Variants in EFCAB7 observed in about 807,000 individuals in gnomAD.
The protein encoded by EFCAB7 is EF-hand calcium binding domain 7, also known as EF-hand calcium-binding domain-containing protein 7.
A neutral mutation model predicts 77.1 loss-of-function variants in EFCAB7; 66 were observed. The observed-to-expected ratio is 0.86, with a 90% CI of 0.70 to 1.05. EFCAB7 has a LOEUF of 1.05. EFCAB7 is among the 50% of genes least tolerant of loss of function. The pLI is 0.00. For synonymous variants in EFCAB7, 225 were observed against 243.3 expected (o/e 0.92, Z 0.70); for missense variants, 638 against 730.5 (o/e 0.87, Z 1.46).
At chr1:63,561,372 T>C (rs1204086084) in intron 10 of EFCAB7, among the ~76,000 whole-genome samples, 1 of 152,230 alleles carries the variant, frequency 6.6e-6, no homozygotes, top group Non-Finnish European at 1.5e-5. Context: ...CTTTGAAATA[T>C]ATAACAACGT....
At position 63,526,490 on chromosome 1, in the gene EFCAB7, A is replaced by G. The variant is rs144669790; in HGVS notation, c.187+731A>G. 7.8e-3 allele frequency among the ~76,000 whole-genome samples: 1,191 copies of G among 152,298 alleles called. 13 individuals carry two copies. The highest frequency in any genetic ancestry group is 0.026 in the African/African-American group (1,077 of 41,562). ...AATTTTCTTAAACCAAAACCCTGACATATTTGTGCAGCAGTGTCTTGAGTT... is the reference window on the plus strand; with the variant it reads ...AATTTTCTTAAACCAAAACCCTGACGTATTTGTGCAGCAGTGTCTTGAGTT... On this transcript the variant is annotated intron_variant, in intron 2 of 13. Coordinates refer to ENST00000371088, the MANE Select transcript of EFCAB7 (RefSeq NM_032437.4).
the EFCAB7 span, among the ~76,000 whole-genome samples, chr1:63,582,512 C>G: frequency 1.3e-5 from 2 of 152,148 alleles, no homozygotes; most frequent in Non-Finnish European, 2.9e-5. Flanking sequence ...GGAAATGCAG[C>G]TTTTATGTGG....
At chr1:63,544,666 C>G (rs909871838) in intron 6 of EFCAB7, among the ~76,000 whole-genome samples, 8 of 152,182 alleles carry the variant, frequency 5.3e-5, no homozygotes, top group Non-Finnish European at 8.8e-5. Context: ...ACGCCTTGGC[C>G]TCCCAAAGGG....
At chr1:63,568,280 G>A in intron 11 of EFCAB7, 30 bp from the exon 12 acceptor site, 2 of 1,531,586 alleles carry the variant, frequency 1.3e-6, no homozygotes, top group Non-Finnish European at 1.8e-6. Flanking sequence ...TCTATCAAAA[G>A]GCTGAAACAA....
Position 63,534,218 on chromosome 1 carries a change from T to C in EFCAB7, c.804+2T>C, listed in dbSNP as rs552585923. ...TTAATGGAGCCAAATTTAATAAAGG[T>C]ATAGTATTTTAAGTTAACAGATGAC... On this transcript the variant is annotated splice_donor_variant, in intron 6 of 13. Coordinates refer to ENST00000371088, the MANE Select transcript of EFCAB7 (RefSeq NM_032437.4). LOFTEE classifies it high-confidence loss of function. The C allele has an allele frequency of 3.1e-6, 5 of 1,610,914 alleles. No individual in the cohort carries two copies. In the East Asian group the frequency reaches 1.1e-4, roughly 36 times the overall value.
chr1:63,580,826 A>G, the EFCAB7 span, among the ~76,000 whole-genome samples: 1 of 152,162 alleles, frequency 6.6e-6, no homozygotes. Flanking sequence ...TTTTATTTTT[A>G]TGAGCTGTTT....
chr1:63,552,685 T>C lies in EFCAB7; in HGVS notation c.1056+851T>C, dbSNP rs547293387. 2.0e-5 allele frequency among the ~76,000 whole-genome samples: 3 copies of C among 152,322 alleles called. No individual in the cohort carries two copies. The South Asian group carries it at 6.2e-4, about 32-fold the overall frequency. On this transcript the variant is annotated intron_variant, in intron 8 of 13. Transcript: ENST00000371088. ...TATTTATTTTATGAGGACTACAAAA[T>C]ACATCTGCTACACAAAACAGAAATA...
At chr1:63,584,391 C>T in the EFCAB7 span, among the ~76,000 whole-genome samples, 2 of 151,880 alleles carry the variant, frequency 1.3e-5, no homozygotes, top group African/African-American at 4.8e-5. Context: ...ATTGTCTCTA[C>T]AAAAAATAAA....
Position 63,532,039 on chromosome 1 carries a change from C to T in EFCAB7, c.399+8C>T, listed in dbSNP as rs150480764. ...TATAAATTTCTAACAAAGGTAAGAT[C>T]TGTAAAACTGTTTTGTAATGTGCAT... On this transcript the variant is annotated splice_region_variant and intron_variant, in intron 3 of 13. Transcript: ENST00000371088. The T allele has an allele frequency of 1.3e-6, 2 of 1,595,634 alleles. No homozygotes were observed. The highest frequency in any genetic ancestry group is 2.2e-5 in the East Asian group (1 of 44,650).
rs576838817 is a variant in EFCAB7 at position 63,538,896 on chromosome 1, G to C, written c.804+4680G>C. 1.3e-4 allele frequency among the ~76,000 whole-genome samples: 20 copies of C among 152,268 alleles called. No homozygotes were observed. The South Asian group carries it at 4.2e-3, about 32-fold the overall frequency. On this transcript the variant is annotated intron_variant, in intron 6 of 13. Transcript: ENST00000371088. ...TTCAAATTGATCTGTATATTACACT[G>C]AAGTTTGGTTGATATAAATAATGTG...
chr1:63,554,435 G>C (rs1031648375), intron 8 of EFCAB7, among the ~76,000 whole-genome samples: 59 of 152,236 alleles, frequency 3.9e-4, no homozygotes, highest in African/African-American at 1.4e-3. Context: ...CCACCTCCGG[G>C]TTCAAGTGAT....
chr1:63,558,491 C>G (rs987787163), intron 10 of EFCAB7, among the ~76,000 whole-genome samples: 5 of 152,086 alleles, frequency 3.3e-5, no homozygotes, highest in Admixed American at 1.3e-4. Flanking sequence ...GGCTACACAG[C>G]AAGAAAGTTT....
the EFCAB7 span, among the ~76,000 whole-genome samples, chr1:63,579,698 T>C: frequency 6.6e-6 from 1 of 152,206 alleles, no homozygotes; most frequent in Non-Finnish European, 1.5e-5. Context: ...TCTGCAACCT[T>C]ATCAGTACTC....
intron 11 of EFCAB7, among the ~76,000 whole-genome samples, chr1:63,562,478 TATATATATATATATATAA>T (rs1557687280): frequency 1.5e-3 from 153 of 103,008 alleles, no homozygotes; most frequent in African/African-American, 6.8e-3. Flanking sequence ...TATATATATA[TATATATATATATATATAA>T]AACTTTTTTT....
In EFCAB7 at chr1:63,565,429, A is replaced by C. The variant is rs1478019278; in HGVS notation, c.1498-2881A>C. The stretch of plus-strand genomic sequence containing the variant: ...AAATGTAAAACCCAAAAGTGTAAAA[A>C]CTCTGAGAGACAACCTAGGCAATAC... On this transcript the variant is annotated intron_variant, in intron 11 of 13. Coordinates refer to ENST00000371088, the MANE Select transcript of EFCAB7 (RefSeq NM_032437.4). Among the ~76,000 whole-genome samples, 5 of 152,048 alleles carry C rather than the reference A, an allele frequency of 3.3e-5. No individual in the cohort carries two copies. In the East Asian group the frequency reaches 9.6e-4, roughly 29 times the overall value.
At chr1:63,549,009 C>T (rs1199318447) in intron 7 of EFCAB7, 3 of 181,360 alleles carry the variant, frequency 1.7e-5, no homozygotes, top group East Asian at 1.7e-4. Flanking sequence ...GCGGAAGAGA[C>T]AGGATAACCT....
chr1:63,569,175 CT>C (rs1423246545), intron 12 of EFCAB7: 1 of 152,010 alleles, frequency 6.6e-6, no homozygotes, highest in Non-Finnish European at 1.5e-5. Context: ...CTTTTAGGTC[CT>C]ACGTGAGACA....
Position 63,532,655 on chromosome 1 carries a change from G to C in EFCAB7, c.400-15G>C. ...ATCATGTTGCTTTAAAATAAATCTT[G>C]TTTTTTTTTTTCAGAGAGGTGAGAA... On this transcript the variant is annotated splice_polypyrimidine_tract_variant and intron_variant, in intron 3 of 13. Coordinates refer to ENST00000371088, the MANE Select transcript of EFCAB7 (RefSeq NM_032437.4). The C allele has an allele frequency of 8.3e-7, 1 of 1,209,014 alleles. No individual in the cohort carries two copies. Among genetic ancestry groups the C allele is most frequent in the Non-Finnish European group, 1.1e-6 (1 of 883,428 alleles). 74.9% of individuals were successfully genotyped at this position (1,209,014 alleles called of 1,614,324 possible).
At chr1:63,583,351 G>A in the EFCAB7 span, among the ~76,000 whole-genome samples, 2 of 152,184 alleles carry the variant, frequency 1.3e-5, no homozygotes, top group African/African-American at 4.8e-5. Context: ...CAGTCTTTTG[G>A]TTGTACAACA....
Sources: gnomAD v4.1 joint callset for allele counts (sites outside exome capture counted in the v4.1 genomes callset) on GRCh38, gnomAD v4.1.1 for gene constraint, MANE v1.5 for transcripts, NCBI Gene and HGNC (gene_info 2026-07-23, HGNC 2026-07-21) for gene names.